The following RBFOX1 variants were observed in gnomAD, a reference collection of about 807,000 sequenced individuals.
RBFOX1 encodes the protein RNA binding fox-1 homolog 1.
A neutral mutation model predicts 57.7 loss-of-function variants in RBFOX1; 8 were observed. The observed-to-expected ratio is 0.14, with a 90% CI of 0.08 to 0.25. The LOEUF (loss-of-function observed/expected upper bound fraction) is 0.25. Ranked by LOEUF, RBFOX1 falls within the 10% of genes least tolerant of loss-of-function variation. The pLI, the probability that RBFOX1 is intolerant of heterozygous loss-of-function variation, is 1.00. For missense variants in RBFOX1, 611 were observed against 548.5 expected (o/e 1.11, Z -1.14); for synonymous variants, 326 against 222.4 (o/e 1.47, Z -4.15).
chr16:7,405,303 C>T (rs545705322), intron 4 of RBFOX1, among the ~76,000 whole-genome samples: 1 of 152,218 alleles, frequency 6.6e-6, no homozygotes, highest in African/African-American at 2.4e-5. Flanking sequence ...GGTAGCCCCC[C>T]CGCTGCAAAC....
intron 4 of RBFOX1, among the ~76,000 whole-genome samples, chr16:5,961,897 A>T (rs971928812): frequency 5.3e-5 from 8 of 152,168 alleles, no homozygotes; most frequent in African/African-American, 1.9e-4. Context: ...AACTCCAAAT[A>T]ACAGTAAATT....
chr16:5,951,298 A>T (rs906500888), intron 4 of RBFOX1, among the ~76,000 whole-genome samples: 9 of 151,964 alleles, frequency 5.9e-5, no homozygotes, highest in Non-Finnish European at 1.0e-4. Context: ...AAATACAAAA[A>T]TTACCCGGGT....
At chr16:5,383,274 C>T (rs1240421617) in intron 1 of RBFOX1, among the ~76,000 whole-genome samples, 2 of 152,124 alleles carry the variant, frequency 1.3e-5, no homozygotes, top group Admixed American at 1.3e-4. Flanking sequence ...GTGGCGCCCA[C>T]TGGTGTGGGG....
intron 1 of RBFOX1, among the ~76,000 whole-genome samples, chr16:5,323,521 C>T (rs1325492276): frequency 6.6e-6 from 1 of 152,236 alleles, no homozygotes; most frequent in Non-Finnish European, 1.5e-5. Context: ...ATTGTCTCTG[C>T]CCCACTGGGC....
intron 3 of RBFOX1, among the ~76,000 whole-genome samples, chr16:6,849,619 A>C (rs2093957396): frequency 6.6e-6 from 1 of 152,224 alleles, no homozygotes; most frequent in African/African-American, 2.4e-5. Flanking sequence ...CAGTGAGCTG[A>C]GATTGTACCA....
At chr16:5,356,013 C>G (rs1211412008) in intron 1 of RBFOX1, among the ~76,000 whole-genome samples, 1 of 152,178 alleles carries the variant, frequency 6.6e-6, no homozygotes, top group African/African-American at 2.4e-5. Context: ...ATTGCTTTAA[C>G]CCGGGAGGCG....
intron 4 of RBFOX1, among the ~76,000 whole-genome samples, chr16:7,197,687 C>G (rs755961154): frequency 2.0e-5 from 3 of 152,152 alleles, no homozygotes; most frequent in Non-Finnish European, 2.9e-5. Flanking sequence ...CTGTCCATCA[C>G]CAGGTGTGTG....
intron 4 of RBFOX1, among the ~76,000 whole-genome samples, chr16:5,949,818 G>C (rs2059484037): frequency 6.6e-6 from 1 of 152,176 alleles, no homozygotes; most frequent in Admixed American, 6.5e-5. Flanking sequence ...CAGAAACTCT[G>C]GAAGTGGGGC....
At chr16:6,533,917 T>C (rs915697403) in intron 2 of RBFOX1, among the ~76,000 whole-genome samples, 4 of 152,046 alleles carry the variant, frequency 2.6e-5, no homozygotes, top group Non-Finnish European at 5.9e-5. Context: ...AAAAAGACAT[T>C]AAGAGAATGA....
intron 11 of RBFOX1, among the ~76,000 whole-genome samples, chr16:7,637,298 G>C (rs2061935115): frequency 6.7e-6 from 1 of 149,284 alleles, no homozygotes; most frequent in African/African-American, 2.5e-5. Context: ...GGAAAAAAAA[G>C]ATATCATGGG....
chr16:6,044,652 C>T (rs757300374), intron 1 of RBFOX1, among the ~76,000 whole-genome samples: 17 of 152,124 alleles, frequency 1.1e-4, no homozygotes, highest in African/African-American at 2.7e-4. Flanking sequence ...CTTCAGGTGG[C>T]TTCCTTTATA....
chr16:6,814,224 GTAATA>G (rs759837321), intron 3 of RBFOX1, among the ~76,000 whole-genome samples: 1 of 141,580 alleles, frequency 7.1e-6, no homozygotes, highest in Non-Finnish European at 1.5e-5. Context: ...CTTCTTTCAT[GTAATA>G]ACACAGAGAG....
At chr16:6,755,079 C>A (rs1012843229) in intron 3 of RBFOX1, among the ~76,000 whole-genome samples, 1 of 152,134 alleles carries the variant, frequency 6.6e-6, no homozygotes, top group Non-Finnish European at 1.5e-5. Flanking sequence ...GTATATGTTG[C>A]ACATTTTCTT....
intron 2 of RBFOX1, among the ~76,000 whole-genome samples, chr16:6,438,217 A>G (rs898310014): frequency 1.3e-5 from 2 of 152,248 alleles, no homozygotes; most frequent in African/African-American, 4.8e-5. Context: ...GATAGCCAGC[A>G]CTTAATAAAT....
At chr16:7,536,575 C>T (rs1463951333) in intron 5 of RBFOX1, among the ~76,000 whole-genome samples, 1 of 152,208 alleles carries the variant, frequency 6.6e-6, no homozygotes, top group African/African-American at 2.4e-5. Context: ...GCCTGGGCAA[C>T]ACAGTGAGAC....
intron 2 of RBFOX1, among the ~76,000 whole-genome samples, chr16:5,584,911 A>G (rs908022759): frequency 6.6e-6 from 1 of 151,852 alleles, no homozygotes; most frequent in Admixed American, 6.6e-5. Context: ...GGTTTTATAT[A>G]TTTATTTTTA....
At chr16:6,731,558 G>C (rs899438975) in intron 3 of RBFOX1, among the ~76,000 whole-genome samples, 1 of 152,088 alleles carries the variant, frequency 6.6e-6, no homozygotes, top group African/African-American at 2.4e-5. Context: ...ATGCACAATA[G>C]GAGACCAGAA....
intron 4 of RBFOX1, among the ~76,000 whole-genome samples, chr16:7,076,711 A>G (rs979431498): frequency 3.3e-5 from 5 of 152,198 alleles, no homozygotes; most frequent in African/African-American, 4.8e-5. Flanking sequence ...CCACCTTCCC[A>G]TTTCTAACCA....
At position 7,242,342 on chromosome 16, in the gene RBFOX1, G is replaced by C. The variant is rs113139451; in HGVS notation, c.27+190244G>C. Among the ~76,000 whole-genome samples, 508 of 152,304 alleles carry C rather than the reference G, an allele frequency of 3.3e-3. 4 individuals are homozygous for C. The highest frequency in any genetic ancestry group is 0.012 in the African/African-American group (483 of 41,554). ...ATGACATATCATCATTGGAAAGGAAGGTACCTTCTGATGCAGACAGGTTGT... is the reference window on the plus strand; with the variant it reads ...ATGACATATCATCATTGGAAAGGAACGTACCTTCTGATGCAGACAGGTTGT... On this transcript the variant is annotated intron_variant, in intron 4 of 15. Coordinates refer to ENST00000550418, the MANE Select transcript of RBFOX1 (RefSeq NM_018723.4).
Sources: gnomAD v4.1 joint callset for allele counts (sites outside exome capture counted in the v4.1 genomes callset) on GRCh38, gnomAD v4.1.1 for gene constraint, MANE v1.5 for transcripts, NCBI Gene and HGNC (gene_info 2026-07-23, HGNC 2026-07-21) for gene names.